Variants in MAPK6 observed in about 807,000 individuals in gnomAD.
MAPK6 encodes ERK-3.
MAPK6 carries 19 observed loss-of-function variants against 59.3 expected under a neutral mutation model. That is an observed-to-expected ratio of 0.32 (90% CI 0.22 to 0.47). The LOEUF (loss-of-function observed/expected upper bound fraction) is 0.47. MAPK6 is among the 20% of genes least tolerant of loss of function. The pLI, the probability that MAPK6 is intolerant of heterozygous loss-of-function variation, is 1.00. For missense variants in MAPK6, 724 were observed against 847.9 expected (o/e 0.85, Z 1.81); for synonymous variants, 316 against 290.3 (o/e 1.09, Z -0.90).
chr15:52,029,922 A>T (rs2030963347), intron 1 of MAPK6, among the ~76,000 whole-genome samples: 1 of 152,192 alleles, frequency 6.6e-6, no homozygotes, highest in Non-Finnish European at 1.5e-5. Flanking sequence ...CAGAAATGTA[A>T]ATGAAATAAT....
Position 52,061,361 on chromosome 15 carries a change from G to T in MAPK6, c.928G>T (p.Ala310Ser), listed in dbSNP as rs2032190646. 1 of 1,614,098 alleles carries T rather than the reference G, an allele frequency of 6.2e-7. No homozygotes were observed. Among genetic ancestry groups the T allele is most frequent in the Admixed American group, 1.7e-5 (1 of 60,012 alleles). ...SPMDRLTAEE[A>S]LSHPYMSIYS... is the part of the protein sequence containing the mutation. ...CATGGATCGGTTAACAGCAGAAGAA[G>T]CACTCTCCCATCCTTACATGAGCAT... The change falls in exon 5 of 6, where the codon GCA becomes TCA. Residue 310 changes from alanine (A) to serine (S), a missense_variant. Transcript: ENST00000261845.
At chr15:51,992,503 A>T (rs1446316374) in intron 2 of MAPK6, among the ~76,000 whole-genome samples, 1 of 151,320 alleles carries the variant, frequency 6.6e-6, no homozygotes, top group African/African-American at 2.4e-5. Flanking sequence ...ACGGGGTTTC[A>T]CCATGTTAGC....
At chr15:51,992,506 A>G (rs1366756629) in intron 2 of MAPK6, among the ~76,000 whole-genome samples, 2 of 151,554 alleles carry the variant, frequency 1.3e-5, no homozygotes, top group African/African-American at 2.4e-5. Context: ...GGGTTTCACC[A>G]TGTTAGCCAG....
intron 3 of MAPK6, among the ~76,000 whole-genome samples, chr15:52,052,029 A>G (rs889008584): frequency 4.6e-5 from 7 of 152,174 alleles, no homozygotes; most frequent in African/African-American, 1.2e-4. Context: ...TCCAGCATAT[A>G]TAAACAATTC....
At chr15:51,995,020 A>G (rs1338165617) in intron 2 of MAPK6, among the ~76,000 whole-genome samples, 1 of 152,226 alleles carries the variant, frequency 6.6e-6, no homozygotes, top group East Asian at 1.9e-4. Context: ...AAGAAATACT[A>G]AAGTATTTGG....
chr15:51,983,385 A>G (rs939699875), intron 2 of MAPK6, among the ~76,000 whole-genome samples: 1 of 151,808 alleles, frequency 6.6e-6, no homozygotes, highest in African/African-American at 2.4e-5. Context: ...AGGCTGAGGC[A>G]GGAGAATCAC....
chr15:51,972,650 C>T (rs113079915), intron 1 of MAPK6, among the ~76,000 whole-genome samples: 6 of 146,884 alleles, frequency 4.1e-5, no homozygotes, highest in African/African-American at 7.5e-5. Flanking sequence ...GGTGAAACCC[C>T]GTCTCTACTA....
At position 52,058,809 on chromosome 15, in the gene MAPK6, C is replaced by G. The variant is rs200562261; in HGVS notation, c.865+12C>G. The stretch of plus-strand genomic sequence containing the variant: ...AATTAGTCGAGAAGGTATTGTGACT[C>G]GAGAGTAACCCTCACGTTAATGCCT... On this transcript the variant is annotated intron_variant, in intron 4 of 5. Coordinates refer to ENST00000261845, the MANE Select transcript of MAPK6 (RefSeq NM_002748.4). 2.5e-6 allele frequency: 4 copies of G among 1,600,736 alleles called. No homozygotes were observed. The African/African-American group carries it at 4.0e-5, about 16-fold the overall frequency.
At chr15:52,055,218 G>A (rs1418273887) in intron 3 of MAPK6, among the ~76,000 whole-genome samples, 1 of 152,180 alleles carries the variant, frequency 6.6e-6, no homozygotes, top group African/African-American at 2.4e-5. Flanking sequence ...GACCAGCCTG[G>A]GCAGCATAGT....
chr15:52,015,581 A>G (rs563285872), upstream of MAPK6, among the ~76,000 whole-genome samples: 7 of 150,396 alleles, frequency 4.7e-5, no homozygotes, highest in East Asian at 4.1e-4. Flanking sequence ...GGGTTCAAGC[A>G]ATTCTCCTGC....
intron 1 of MAPK6, among the ~76,000 whole-genome samples, chr15:51,973,413 C>T (rs924140020): frequency 4.6e-5 from 7 of 151,924 alleles, no homozygotes; most frequent in Admixed American, 3.9e-4. Flanking sequence ...GCCATCATAG[C>T]TCACTGCAGC....
In MAPK6 at chr15:52,065,041, G is replaced by T; in HGVS notation, c.*41G>T. 6 of 1,511,448 alleles carry T rather than the reference G, an allele frequency of 4.0e-6. No homozygotes were observed. Among genetic ancestry groups the T allele is most frequent in the Non-Finnish European group, 4.4e-6 (5 of 1,127,474 alleles). 93.6% of individuals were successfully genotyped at this position (1,511,448 alleles called of 1,614,324 possible). A position where few individuals can be genotyped will look rare whatever the true frequency, so the allele number is the denominator to read the frequency against. Reference sequence around the variant, plus strand: ...TTTATCTTTGTATTCTTCATGAAATGTGTTTTGTCTTTTTTTATTACTAGT... The same window carrying T: ...TTTATCTTTGTATTCTTCATGAAATTTGTTTTGTCTTTTTTTATTACTAGT... On this transcript the variant is annotated 3_prime_UTR_variant, in exon 6 of 6. Transcript: ENST00000261845.
At chr15:52,015,079 C>T (rs1255589113), upstream of MAPK6, among the ~76,000 whole-genome samples, 1 of 152,138 alleles carries the variant, frequency 6.6e-6, no homozygotes, top group Non-Finnish European at 1.5e-5. Context: ...CGGCTCACTG[C>T]AACCTCCGCC....
At chr15:52,063,441 A>G (rs1338929018) in intron 5 of MAPK6, among the ~76,000 whole-genome samples, 1 of 152,198 alleles carries the variant, frequency 6.6e-6, no homozygotes, top group African/African-American at 2.4e-5. Flanking sequence ...CAGTAATAGG[A>G]TAGCGCATTC....
chr15:52,027,656 T>A (rs2030855085), intron 1 of MAPK6: 1 of 150,654 alleles, frequency 6.6e-6, no homozygotes, highest in Non-Finnish European at 1.5e-5. Context: ...CTCCCTGTGT[T>A]GCCCAGGCTG....
At chr15:52,059,825 A>T (rs1439126438) in intron 4 of MAPK6, among the ~76,000 whole-genome samples, 5 of 152,150 alleles carry the variant, frequency 3.3e-5, no homozygotes. Flanking sequence ...GAGACTAAAG[A>T]TTTATCAATT....
intron 1 of MAPK6, among the ~76,000 whole-genome samples, chr15:51,974,980 A>AG (rs2057153300): frequency 6.6e-6 from 1 of 151,166 alleles, no homozygotes; most frequent in Non-Finnish European, 1.5e-5. Flanking sequence ...AACCTCCCAA[A>AG]TGCTGGGATT....
upstream of MAPK6, among the ~76,000 whole-genome samples, chr15:52,016,841 C>T (rs1441208686): frequency 6.6e-6 from 1 of 152,080 alleles, no homozygotes; most frequent in Non-Finnish European, 1.5e-5. Context: ...GTCAGGAGAT[C>T]GAGACCATCC....
chr15:51,972,530 G>T (rs1006769052), intron 1 of MAPK6, among the ~76,000 whole-genome samples: 1 of 81,278 alleles, frequency 1.2e-5, no homozygotes, highest in African/African-American at 4.9e-5. Flanking sequence ...AGCTTTAAAT[G>T]ACCATTTTTT....
Sources: gnomAD v4.1 joint callset for allele counts (sites outside exome capture counted in the v4.1 genomes callset) on GRCh38, gnomAD v4.1.1 for gene constraint, MANE v1.5 for transcripts, NCBI Gene and HGNC (gene_info 2026-07-23, HGNC 2026-07-21) for gene names.